The following COG5 variants were observed in gnomAD, a reference collection of about 807,000 sequenced individuals.
The protein encoded by COG5 is conserved oligomeric Golgi complex subunit 5.
A neutral mutation model predicts 110.4 loss-of-function variants in COG5; 86 were observed. The observed-to-expected ratio is 0.78, with a 90% CI of 0.65 to 0.93. The LOEUF is 0.93. Among genes scored for constraint, COG5 ranks in the 40% least tolerant of loss-of-function variants. The pLI, the probability that COG5 is intolerant of heterozygous loss-of-function variation, is 0.00. For missense variants in COG5, 1,077 were observed against 987.0 expected (o/e 1.09, Z -1.22); for synonymous variants, 360 against 334.6 (o/e 1.08, Z -0.83).
chr7:107,228,306 CAAA>C (rs201009011), intron 19 of COG5, among the ~76,000 whole-genome samples: 2 of 67,516 alleles, frequency 3.0e-5, no homozygotes, highest in Admixed American at 1.6e-4. Flanking sequence ...CACCCGGTCT[CAAA>C]AAAAAAAAAA....
chr7:107,484,561 G>A (rs907676489), intron 6 of COG5, among the ~76,000 whole-genome samples: 2 of 151,912 alleles, frequency 1.3e-5, no homozygotes, highest in African/African-American at 4.8e-5. Context: ...TGTCTCTATG[G>A]GTCTTCTCAA....
Position 107,514,369 on chromosome 7 carries a change from CAT to C in COG5, c.538+12866_538+12867del, listed in dbSNP as rs1449735102. On this transcript the variant is annotated intron_variant, in intron 6 of 21. Coordinates refer to ENST00000297135, the MANE Select transcript of COG5 (RefSeq NM_006348.5). ...ACACACACACACACACACACACACACATATTTTATATTTTGGTTTATTATGAG... is the reference window on the plus strand; with the variant it reads ...ACACACACACACACACACACACACACATTTTATATTTTGGTTTATTATGAG... Among the ~76,000 whole-genome samples, 277 of 139,808 alleles carry C rather than the reference CAT, an allele frequency of 2.0e-3. 2 individuals are homozygous for C. Among genetic ancestry groups the C allele is most frequent in the African/African-American group, 6.6e-3 (241 of 36,364 alleles). The allele number at this position is 139,808 out of a possible 152,430, so 91.7% of individuals were successfully genotyped here.
intron 10 of COG5, among the ~76,000 whole-genome samples, chr7:107,351,751 C>A (rs1025078338): frequency 2.8e-4 from 42 of 151,622 alleles, no homozygotes; most frequent in Non-Finnish European, 5.6e-4. Context: ...CAAATCAAAA[C>A]CACAATGAGA....
At chr7:107,546,432 TTTG>T (rs1285143215) in intron 5 of COG5, among the ~76,000 whole-genome samples, 3 of 132,508 alleles carry the variant, frequency 2.3e-5, no homozygotes, top group East Asian at 2.2e-4. Context: ...GTTTTGGTTT[TTTG>T]TTTTTTTTTT....
intron 12 of COG5, among the ~76,000 whole-genome samples, chr7:107,284,056 C>G (rs1411200570): frequency 6.6e-6 from 1 of 151,958 alleles, no homozygotes; most frequent in African/African-American, 2.4e-5. Flanking sequence ...TCCCAAGTAG[C>G]TGGGATTACA....
chr7:107,403,987 T>G (rs1226551797), intron 7 of COG5, among the ~76,000 whole-genome samples: 2 of 152,136 alleles, frequency 1.3e-5, no homozygotes, highest in East Asian at 3.8e-4. Context: ...TTCTTTAACA[T>G]GATTCAACAG....
At chr7:107,514,329 TACACAC>T (rs61351697) in intron 6 of COG5, among the ~76,000 whole-genome samples, 5,461 of 145,672 alleles carry the variant, frequency 0.037, 108 homozygotes, top group South Asian at 0.04. Flanking sequence ...TGGCCTATTT[TACACAC>T]ACACACACAC....
At chr7:107,282,315 T>C (rs1004782953) in intron 13 of COG5, among the ~76,000 whole-genome samples, 1 of 152,176 alleles carries the variant, frequency 6.6e-6, no homozygotes, top group East Asian at 1.9e-4. Context: ...GATTATAGCA[T>C]TGTCAAGTTG....
chr7:107,277,536 C>T (rs970205007), intron 14 of COG5, among the ~76,000 whole-genome samples: 4 of 152,154 alleles, frequency 2.6e-5, no homozygotes, highest in Admixed American at 6.5e-5. Context: ...ACACCTGCTC[C>T]CAGGCATTCT....
chr7:107,314,686 T>A (rs896780333), intron 11 of COG5, among the ~76,000 whole-genome samples: 14 of 151,176 alleles, frequency 9.3e-5, no homozygotes, highest in Non-Finnish European at 1.6e-4. Context: ...GAGGCAGAGG[T>A]TGCAGTGAGC....
At chr7:107,234,823 G>C (rs1039035803) in intron 18 of COG5, among the ~76,000 whole-genome samples, 1 of 151,948 alleles carries the variant, frequency 6.6e-6, no homozygotes, top group Non-Finnish European at 1.5e-5. Flanking sequence ...TACATCATCA[G>C]GTTTTTAATA....
intron 6 of COG5, among the ~76,000 whole-genome samples, chr7:107,447,225 CT>C (rs1374804651): frequency 6.6e-6 from 1 of 152,164 alleles, no homozygotes; most frequent in Non-Finnish European, 1.5e-5. Flanking sequence ...TCTGAACACC[CT>C]TCTGCCTCAC....
At chr7:107,210,643 C>G (rs1305002674) in intron 20 of COG5, 38 bp from the exon 21 acceptor site, 1 of 1,562,214 alleles carries the variant, frequency 6.4e-7, no homozygotes. Context: ...AGTGCATACG[C>G]ATTCTTTAGT....
intron 5 of COG5, among the ~76,000 whole-genome samples, chr7:107,539,702 A>G (rs1801839874): frequency 6.6e-6 from 1 of 152,226 alleles, no homozygotes; most frequent in South Asian, 2.1e-4. Context: ...TACATGTTAA[A>G]GTGATTATTT....
At chr7:107,476,184 T>TAAAAAAA (rs34741713) in intron 6 of COG5, among the ~76,000 whole-genome samples, 6 of 44,060 alleles carry the variant, frequency 1.4e-4, no homozygotes, top group East Asian at 7.0e-4. Flanking sequence ...GCAATGATTT[T>TAAAAAAA]AAAAAAAAAA....
intron 7 of COG5, among the ~76,000 whole-genome samples, chr7:107,409,925 G>C (rs1792153926): frequency 6.6e-6 from 1 of 152,142 alleles, no homozygotes; most frequent in African/African-American, 2.4e-5. Context: ...AATGGAAGAG[G>C]GAACTGGACG....
chr7:107,478,037 A>G (rs1309122244), intron 6 of COG5, among the ~76,000 whole-genome samples: 1 of 151,930 alleles, frequency 6.6e-6, no homozygotes, highest in Non-Finnish European at 1.5e-5. Flanking sequence ...TTCTATCCAT[A>G]TATCATAAAT....
chr7:107,497,694 T>A lies in COG5; in HGVS notation c.538+29543A>T, dbSNP rs111726391. 3.0e-3 allele frequency among the ~76,000 whole-genome samples: 464 copies of A among 152,262 alleles called. 5 individuals are homozygous for A. The highest frequency in any genetic ancestry group is 0.01 in the African/African-American group (436 of 41,560). The stretch of plus-strand genomic sequence containing the variant: ...AATGTTCATAGATTAGACAACTGAA[T>A]ACTGTTAAAATTTCCCTACTATTCA... On this transcript the variant is annotated intron_variant, in intron 6 of 21. Transcript: ENST00000297135.
intron 3 of COG5, among the ~76,000 whole-genome samples, chr7:107,552,285 C>A (rs1362419744): frequency 6.6e-6 from 1 of 152,046 alleles, no homozygotes; most frequent in Non-Finnish European, 1.5e-5. Context: ...CATTTAAAAA[C>A]ATAATTAAAA....
Sources: allele counts gnomAD v4.1 joint callset (sites outside exome capture counted in the v4.1 genomes callset), GRCh38; gene constraint gnomAD v4.1.1; transcripts MANE v1.5; gene names NCBI Gene and HGNC (gene_info 2026-07-23, HGNC 2026-07-21).